Variants in SNAI3 observed in about 807,000 individuals in gnomAD.
The protein encoded by SNAI3 is zinc finger protein SNAI3.
SNAI3 carries 21 observed loss-of-function variants against 16.4 expected under a neutral mutation model. That is an observed-to-expected ratio of 1.28 (90% CI 0.91 to 1.85). The LOEUF (loss-of-function observed/expected upper bound fraction) is 1.85. Ranked by LOEUF, SNAI3 falls within the 40% of genes most tolerant of loss-of-function variation. The pLI is 0.00. For synonymous variants in SNAI3, 202 were observed against 166.6 expected (o/e 1.21, Z -1.64); for missense variants, 457 against 372.8 (o/e 1.23, Z -1.86).
chr16:88,686,210 G>C (rs922880388), intron 1 of SNAI3, 121 bp downstream of exon 1: 19 of 1,275,854 alleles, frequency 1.5e-5, no homozygotes, highest in Non-Finnish European at 1.9e-5. Context: ...AGAGGCGCTG[G>C]CTCCTTCTCC....
intron 2 of SNAI3, among the ~76,000 whole-genome samples, chr16:88,680,849 A>G (rs1227149540): frequency 2.0e-5 from 3 of 151,740 alleles, no homozygotes; most frequent in African/African-American, 7.3e-5. Context: ...TCCCACCTCA[A>G]TCTCCCAAAG....
rs1027553272 is a variant in SNAI3, at chr16:88,686,464, C to G, written c.-58G>C. 12 of 1,583,928 alleles carry G rather than the reference C, an allele frequency of 7.6e-6. No homozygotes were observed. Among genetic ancestry groups the G allele is most frequent in the Non-Finnish European group, 9.4e-6 (11 of 1,170,522 alleles). On this transcript the variant is annotated 5_prime_UTR_variant, in exon 1 of 3. Coordinates refer to ENST00000332281, the MANE Select transcript of SNAI3 (RefSeq NM_178310.4). Reference sequence around the variant, plus strand: ...TGGGGCGGGAGGGGCGCGCCTGGGTCCGGACTGCTGCGTCCGCCGGCGCTT... The same window carrying G: ...TGGGGCGGGAGGGGCGCGCCTGGGTGCGGACTGCTGCGTCCGCCGGCGCTT...
At chr16:88,682,144 ATCAG>A (rs1216633111) in intron 1 of SNAI3, among the ~76,000 whole-genome samples, 1 of 152,172 alleles carries the variant, frequency 6.6e-6, no homozygotes, top group Non-Finnish European at 1.5e-5. Flanking sequence ...TGCAGCAGCC[ATCAG>A]TCAGACGCTT....
In SNAI3 at chr16:88,686,380, CG is replaced by C. The variant is rs756739182; in HGVS notation, c.26del (p.Thr9SerfsTer101). On this transcript the variant is annotated frameshift_variant, in exon 1 of 3. Transcript: ENST00000332281. LOFTEE classifies it high-confidence loss of function. ...AGTTGGGGACCCTGTGGCTGGAGTG[CG>C]TTTTCACCAGGAAGGAGCGCGGCAT... MPRSFLVK[T>X]HSSHRVPNYR... The C allele has an allele frequency of 3.7e-6, 6 of 1,611,670 alleles. No individual in the cohort carries two copies. The highest frequency in any genetic ancestry group is 5.1e-6 in the Non-Finnish European group (6 of 1,179,564).
intron 1 of SNAI3, chr16:88,685,815 G>C (rs137900320): frequency 0.013 from 2,068 of 153,448 alleles, 51 homozygotes; most frequent in African/African-American, 0.047. Context: ...GAATGCAGGA[G>C]GGGCAGTGCC....
In SNAI3 at chr16:88,678,617, T is replaced by A; in HGVS notation, c.710A>T (p.Tyr237Phe). 2 of 1,258,976 alleles carry A rather than the reference T, an allele frequency of 1.6e-6. No individual in the cohort carries two copies. Among genetic ancestry groups the A allele is most frequent in the Non-Finnish European group, 2.3e-6 (2 of 860,902 alleles). The allele number at this position is 1,258,976 out of a possible 1,614,324, so 78.0% of individuals were successfully genotyped here. A position where few individuals can be genotyped will look rare whatever the true frequency, so the allele number is the denominator to read the frequency against. The change falls in exon 3 of 3, where the codon TAT (tyrosine) becomes TTT (phenylalanine). Residue 237 changes from tyrosine to phenylalanine, a missense_variant. Coordinates refer to ENST00000332281, the MANE Select transcript of SNAI3 (RefSeq NM_178310.4). ...GGCCCTGCTGCAGTGCGAGCAGGCA[T>A]AGGGCTTCTCCCCTGTGGGAGGAAG... The part of the protein sequence containing the change: ...HVRTHTGEKP[Y>F]ACSHCSRAFA...
chr16:88,683,553 CTTTT>C (rs35529850), intron 1 of SNAI3, among the ~76,000 whole-genome samples: 1 of 112,382 alleles, frequency 8.9e-6, no homozygotes. Context: ...TGCGCCTGGC[CTTTT>C]TTTTTTTTTT....
At position 88,678,064 on chromosome 16, in the gene SNAI3, G is replaced by A. The variant is rs1909031232; in HGVS notation, c.*384C>T. The A allele has an allele frequency of 4.9e-6, 1 of 205,524 alleles. No homozygotes were observed. 12.7% of individuals were successfully genotyped at this position (205,524 alleles called of 1,614,324 possible). Reference sequence around the variant, plus strand: ...AGAACTGTTCATTTCTGCTGCAATGGAACTAGGCAGCCTTGCCAGCCATCC... The same window carrying A: ...AGAACTGTTCATTTCTGCTGCAATGAAACTAGGCAGCCTTGCCAGCCATCC... On this transcript the variant is annotated 3_prime_UTR_variant, in exon 3 of 3. Coordinates refer to ENST00000332281, the MANE Select transcript of SNAI3 (RefSeq NM_178310.4).
In SNAI3 at chr16:88,678,163, T is replaced by G. The variant is rs1414690666; in HGVS notation, c.*285A>C. ...TCTTGGAAGGGTAGCCCCGGAGACCTGGCCGTGTCGAAATGGAACCATGGC... is the reference window on the plus strand; with the variant it reads ...TCTTGGAAGGGTAGCCCCGGAGACCGGGCCGTGTCGAAATGGAACCATGGC... On this transcript the variant is annotated 3_prime_UTR_variant, in exon 3 of 3. Transcript: ENST00000332281. 1 of 370,834 alleles carries G rather than the reference T, an allele frequency of 2.7e-6. No homozygotes were observed. Among genetic ancestry groups the G allele is most frequent in the Non-Finnish European group, 4.9e-6 (1 of 202,858 alleles). 23.0% of individuals were successfully genotyped at this position (370,834 alleles called of 1,614,324 possible). A position where few individuals can be genotyped will look rare whatever the true frequency, so the allele number is the denominator to read the frequency against.
intron 1 of SNAI3, 169 bp downstream of exon 1, chr16:88,686,162 G>T (rs868066784): frequency 9.7e-6 from 8 of 826,742 alleles, no homozygotes; most frequent in African/African-American, 1.7e-5. Context: ...GGAGGCGCCC[G>T]TGGGCCACCT....
At chr16:88,684,610 C>T (rs1469733625) in intron 1 of SNAI3, among the ~76,000 whole-genome samples, 2 of 152,166 alleles carry the variant, frequency 1.3e-5, no homozygotes, top group Admixed American at 1.3e-4. Context: ...ATTCTCCTAC[C>T]TCAGCCTCCT....
Position 88,681,195 on chromosome 16 carries a change from T to G in SNAI3, c.596A>C (p.Lys199Thr). 6.2e-7 allele frequency: 1 copy of G among 1,613,810 alleles called. No homozygotes were observed. Among genetic ancestry groups the G allele is most frequent in the East Asian group, 2.2e-5 (1 of 44,862 alleles). Reference sequence around the variant, plus strand: ...CAGCGTGTGAGTGCGGATGTGCATCTTGAGGGCACCCAGGCTGGTGTACTC... The same window carrying G: ...CAGCGTGTGAGTGCGGATGTGCATCGTGAGGGCACCCAGGCTGGTGTACTC... ...DKEYTSLGAL[K>T]MHIRTHTLPC... The change falls in exon 2 of 3, where the codon AAG (lysine) becomes ACG (threonine). Residue 199 changes from lysine to threonine, a missense_variant. Transcript: ENST00000332281. The surrounding 1 kb of genome is among the most constrained non-coding windows in gnomAD (Gnocchi z 5.4).
chr16:88,679,627 TG>T (rs752207761), intron 2 of SNAI3, among the ~76,000 whole-genome samples: 2 of 151,202 alleles, frequency 1.3e-5, no homozygotes, highest in Non-Finnish European at 2.9e-5. Context: ...CTGGGCGTGG[TG>T]GCAGGTGTCT....
chr16:88,678,864 G>A (rs531218569), intron 2 of SNAI3: 19 of 985,380 alleles, frequency 1.9e-5, no homozygotes, highest in South Asian at 9.4e-5. Context: ...TAGCCCTCCC[G>A]GGGCCCTTGG....
chr16:88,678,847 G>C, intron 2 of SNAI3: 1 of 985,420 alleles, frequency 1.0e-6, no homozygotes, highest in Non-Finnish European at 1.2e-6. Context: ...TCCTAGTGTT[G>C]CTGCAGTAGC....
At chr16:88,680,084 CCAAA>C (rs1567626512) in intron 2 of SNAI3, among the ~76,000 whole-genome samples, 1 of 28,014 alleles carries the variant, frequency 3.6e-5, no homozygotes, top group Admixed American at 3.5e-4. Flanking sequence ...CTGCCTCAGA[CCAAA>C]AAAAAAAAAA....
rs897836215 is a variant in SNAI3, at chr16:88,677,884, C to G, written c.*564G>C. The stretch of plus-strand genomic sequence containing the variant: ...AGAGTCTAGTGAGGTGGGGAGGGCA[C>G]GTGTGTGTACATGTTTGAGTGTGTG... On this transcript the variant is annotated 3_prime_UTR_variant, in exon 3 of 3. Transcript: ENST00000332281. The G allele has an allele frequency of 2.0e-5, 3 of 152,810 alleles. No homozygotes were observed. The highest frequency in any genetic ancestry group is 2.9e-5 in the Non-Finnish European group (2 of 68,304). The allele number at this position is 152,810 out of a possible 1,614,324, so 9.5% of individuals were successfully genotyped here.
chr16:88,679,761 C>CAAAAAAA (rs567387152), intron 2 of SNAI3, among the ~76,000 whole-genome samples: 4 of 68,414 alleles, frequency 5.8e-5, no homozygotes, highest in Non-Finnish European at 1.1e-4. Flanking sequence ...GACTCTGTCT[C>CAAAAAAA]AAAAAAAAAA....
At position 88,678,394 on chromosome 16, in the gene SNAI3, C is replaced by A; in HGVS notation, c.*54G>T. 2.9e-6 allele frequency: 2 copies of A among 685,630 alleles called. No homozygotes were observed. The highest frequency in any genetic ancestry group is 1.6e-5 in the South Asian group (1 of 62,630). 42.5% of individuals were successfully genotyped at this position (685,630 alleles called of 1,614,324 possible). A position where few individuals can be genotyped will look rare whatever the true frequency, so the allele number is the denominator to read the frequency against. On this transcript the variant is annotated 3_prime_UTR_variant, in exon 3 of 3. Coordinates refer to ENST00000332281, the MANE Select transcript of SNAI3 (RefSeq NM_178310.4). ...CTGGCTCCTCTGGGGGCAGGAGGGA[C>A]GCCAGCTCTCCCGGTGAGGACCATC...
Sources: gnomAD v4.1 joint callset for allele counts (sites outside exome capture counted in the v4.1 genomes callset) on GRCh38, gnomAD v4.1.1 for gene constraint, Gnocchi (gnomAD v3.1) non-coding constraint, MANE v1.5 for transcripts, NCBI Gene and HGNC (gene_info 2026-07-23, HGNC 2026-07-21) for gene names.